PITPNM2: variants seen among roughly 807,000 people sequenced by gnomAD.
PITPNM2 encodes the protein membrane-associated phosphatidylinositol transfer protein 2.
PITPNM2 carries 35 observed loss-of-function variants against 132.2 expected under a neutral mutation model. That is an observed-to-expected ratio of 0.26 (90% confidence interval 0.20 to 0.35). The LOEUF (loss-of-function observed/expected upper bound fraction) is 0.35. Among genes scored for constraint, PITPNM2 ranks in the 10% least tolerant of loss-of-function variants. PITPNM2 has a pLI of 1.00. For missense variants in PITPNM2, 1,332 were observed against 1,912.0 expected (o/e 0.70, Z 5.66); for synonymous variants, 738 against 799.2 (o/e 0.92, Z 1.29).
intron 3 of PITPNM2, among the ~76,000 whole-genome samples, chr12:123,017,215 A>AG (rs977064036): frequency 6.6e-6 from 1 of 151,978 alleles, no homozygotes; most frequent in African/African-American, 2.4e-5. Flanking sequence ...TACTAAAAAA[A>AG]TACAAAAATT....
At chr12:123,026,219 G>A (rs1033452708) in intron 3 of PITPNM2, among the ~76,000 whole-genome samples, 3 of 152,188 alleles carry the variant, frequency 2.0e-5, no homozygotes, top group Non-Finnish European at 4.4e-5. Context: ...ATGCCCTGGC[G>A]TAATGGGTGG....
chr12:122,987,926 G>C, intron 20 of PITPNM2, 25 bp from the exon 21 acceptor site: 2 of 1,592,552 alleles, frequency 1.3e-6, no homozygotes, highest in South Asian at 2.3e-5. Flanking sequence ...GCAAGCCCAG[G>C]TCAGGGGGTC....
rs1482422796 is a variant in PITPNM2 at position 122,989,869 on chromosome 12, G to A, written c.2649C>T (p.Thr883=). 3 of 1,352,018 alleles carry A rather than the reference G, an allele frequency of 2.2e-6. No individual in the cohort carries two copies. Among genetic ancestry groups the A allele is most frequent in the Non-Finnish European group, 2.9e-6 (3 of 1,046,702 alleles). 83.8% of individuals were successfully genotyped at this position (1,352,018 alleles called of 1,614,324 possible). The change falls in exon 18 of 26, where the codon ACC becomes ACT. Residue 883 remains threonine (T), a synonymous_variant. Coordinates refer to ENST00000320201, the MANE Select transcript of PITPNM2 (RefSeq NM_020845.3). ...TCCTGGCTGGAGGGTGGGGGCCAGG[G>A]GTGGTGGGGCTGGGGGCGGGCAGGG... is the stretch of plus-strand genomic sequence containing the variant. ...LLALPAPSPT[T]PGPHPPARKA... is the part of the protein sequence containing the mutation.
intron 2 of PITPNM2, among the ~76,000 whole-genome samples, chr12:123,070,144 G>A (rs1592990044): frequency 1.3e-5 from 2 of 152,198 alleles, no homozygotes; most frequent in Admixed American, 6.5e-5. Flanking sequence ...GCAAGAGGTC[G>A]CCATGCCCTG....
At chr12:123,113,030 T>G (rs1254970306) in intron 1 of PITPNM2, among the ~76,000 whole-genome samples, 1 of 152,240 alleles carries the variant, frequency 6.6e-6, no homozygotes, top group African/African-American at 2.4e-5. Flanking sequence ...TGATTCCTAT[T>G]AATAGAATAT....
chr12:123,144,868 T>C (rs1311002566), intron 1 of PITPNM2, among the ~76,000 whole-genome samples: 1 of 152,218 alleles, frequency 6.6e-6, no homozygotes, highest in Non-Finnish European at 1.5e-5. Context: ...CCCGATCTCT[T>C]TTAACAGAAA....
At chr12:123,141,154 A>G (rs975755023) in intron 1 of PITPNM2, among the ~76,000 whole-genome samples, 2 of 152,166 alleles carry the variant, frequency 1.3e-5, no homozygotes, top group Non-Finnish European at 2.9e-5. Context: ...CTGTGTGGTG[A>G]GGCCTAAGTC....
chr12:123,007,966 A>G (rs1260856181), intron 6 of PITPNM2, among the ~76,000 whole-genome samples: 1 of 152,196 alleles, frequency 6.6e-6, no homozygotes, highest in Non-Finnish European at 1.5e-5. Flanking sequence ...CACAGTTGTC[A>G]TCAAGCTCCA....
chr12:123,062,679 T>A (rs1242805319), intron 2 of PITPNM2, among the ~76,000 whole-genome samples: 1 of 152,158 alleles, frequency 6.6e-6, no homozygotes, highest in African/African-American at 2.4e-5. Flanking sequence ...ATAGAATACA[T>A]AAAGACTATA....
chr12:123,025,382 G>T (rs972776898), intron 3 of PITPNM2, among the ~76,000 whole-genome samples: 1 of 151,958 alleles, frequency 6.6e-6, no homozygotes, highest in African/African-American at 2.4e-5. Context: ...GTCAGGGCAG[G>T]CATGTGTCAT....
chr12:123,143,069 T>C (rs747450817), intron 1 of PITPNM2, among the ~76,000 whole-genome samples: 3 of 152,150 alleles, frequency 2.0e-5, no homozygotes, highest in Non-Finnish European at 4.4e-5. Context: ...ACGCCACTGA[T>C]GAAAGCTGGG....
In PITPNM2 at chr12:123,014,003, C is replaced by T. The variant is rs367936104; in HGVS notation, c.118G>A (p.Val40Met). 27 of 1,614,158 alleles carry T rather than the reference C, an allele frequency of 1.7e-5. No individual in the cohort carries two copies. The highest frequency in any genetic ancestry group is 1.6e-4 in the Middle Eastern group (1 of 6,080). Reference sequence around the variant, plus strand: ...TACGGCCGGTTCTCCAGGATCTCCACGCCGCTGCCTTCGCCATATGTCTCG... The same window carrying T: ...TACGGCCGGTTCTCCAGGATCTCCATGCCGCTGCCTTCGCCATATGTCTCG... Reference protein sequence around the residue: ...RNETYGEGSGVEILENRPYTD... With the variant: ...RNETYGEGSGMEILENRPYTD... Residue 40 changes from valine to methionine, a missense_variant, in exon 4 of 26, where the codon GTG becomes ATG. Around this residue, in one of 6 missense-constraint regions of PITPNM2, gnomAD observed 83 missense variants for 118.7 expected, o/e 0.70. Coordinates refer to ENST00000320201, the MANE Select transcript of PITPNM2 (RefSeq NM_020845.3).
At chr12:123,041,619 G>C (rs147471937) in intron 2 of PITPNM2, among the ~76,000 whole-genome samples, 41 of 152,310 alleles carry the variant, frequency 2.7e-4, no homozygotes, top group African/African-American at 9.4e-4. Flanking sequence ...GGCTGCCTGG[G>C]TGCTAGCGAG....
intron 1 of PITPNM2, among the ~76,000 whole-genome samples, chr12:123,110,831 A>C (rs1227506897): frequency 2.0e-5 from 3 of 152,206 alleles, no homozygotes; most frequent in Non-Finnish European, 2.9e-5. Context: ...TTTTTCACTC[A>C]TGAACCCCAC....
intron 1 of PITPNM2, among the ~76,000 whole-genome samples, chr12:123,132,518 T>TCC (rs1289474521): frequency 2.9e-5 from 4 of 136,276 alleles, no homozygotes; most frequent in African/African-American, 1.1e-4. Flanking sequence ...TTCTTTTCTT[T>TCC]CCCTTTTTTT....
chr12:123,000,258 T>C lies in PITPNM2; in HGVS notation c.1224+520A>G. Reference sequence around the variant, plus strand: ...CTGACGGCCCGCAGGTGGAGGAGGATGGGGCATGAACTCCCACAGAGAACC... The same window carrying C: ...CTGACGGCCCGCAGGTGGAGGAGGACGGGGCATGAACTCCCACAGAGAACC... On this transcript the variant is annotated intron_variant, in intron 10 of 25. Transcript: ENST00000320201. This position sits in a 1 kb window ranked among gnomAD's most constrained non-coding sequence, Gnocchi z 5.4. 4.9e-6 allele frequency: 3 copies of C among 606,136 alleles called. No homozygotes were observed. Among genetic ancestry groups the C allele is most frequent in the Middle Eastern group, 8.7e-4 (2 of 2,288 alleles). 37.5% of individuals were successfully genotyped at this position (606,136 alleles called of 1,614,324 possible).
chr12:123,017,485 C>A (rs904423974), intron 3 of PITPNM2, among the ~76,000 whole-genome samples: 1 of 152,074 alleles, frequency 6.6e-6, no homozygotes, highest in South Asian at 2.1e-4. Context: ...GAGACTTGAA[C>A]AGATACTTGT....
rs943179349 is a variant in PITPNM2, at chr12:123,004,906, G to A, written c.952+334C>T. Reference sequence around the variant, plus strand: ...AAGCTGGCTCCACCCAGGGTGCCTGGGTTGATCCTTAATCTCAGGGTCTGA... The same window carrying A: ...AAGCTGGCTCCACCCAGGGTGCCTGAGTTGATCCTTAATCTCAGGGTCTGA... On this transcript the variant is annotated intron_variant, in intron 7 of 25. Transcript: ENST00000320201. This position sits in a 1 kb window ranked among gnomAD's most constrained non-coding sequence, Gnocchi z 4.9. 6.6e-6 allele frequency among the ~76,000 whole-genome samples: 1 copy of A among 152,114 alleles called. No homozygotes were observed. The highest frequency in any genetic ancestry group is 2.4e-5 in the African/African-American group (1 of 41,406).
intron 2 of PITPNM2, among the ~76,000 whole-genome samples, chr12:123,109,248 G>GA (rs923384330): frequency 6.6e-6 from 1 of 151,926 alleles, no homozygotes; most frequent in African/African-American, 2.4e-5. Context: ...CAACATTTAG[G>GA]AAAAAAAGAA....
Sources: gnomAD v4.1 joint callset for allele counts (sites outside exome capture counted in the v4.1 genomes callset) on GRCh38, gnomAD v4.1.1 for gene constraint, gnomAD v4.1.1 regional missense constraint, Gnocchi (gnomAD v3.1) non-coding constraint, MANE v1.5 for transcripts, NCBI Gene and HGNC (gene_info 2026-07-23, HGNC 2026-07-21) for gene names.